Variants in SPRYD4 observed in about 807,000 individuals in gnomAD.
SPRYD4 encodes the protein SPRY domain-containing protein 4.
A neutral mutation model predicts 16.6 loss-of-function variants in SPRYD4; 12 were observed. The ratio of observed to expected loss-of-function variants is 0.72; its 90% CI spans 0.46 to 1.17. The LOEUF is 1.17. SPRYD4 is among the 50% of genes most tolerant of loss of function. The pLI, the probability that SPRYD4 is intolerant of heterozygous loss-of-function variation, is 0.00. For synonymous variants in SPRYD4, 98 were observed against 105.4 expected, an observed-to-expected ratio of 0.93 and a Z score of 0.43; for missense variants, 260 against 260.2, an observed-to-expected ratio of 1.00 and a Z score of 0.00.
In SPRYD4 at chr12:56,475,883, G is replaced by C. The variant is rs1246930031; in HGVS notation, c.*6306G>C. On this transcript the variant is annotated 3_prime_UTR_variant, in exon 2 of 2. Transcript: ENST00000338146. ...GTGGGGTTAGAGAGCCACTGGGGCA[G>C]CTGGAGAGGACAGCATGCCATGGCG... 1 of 1,568,398 alleles carries C rather than the reference G, an allele frequency of 6.4e-7. No homozygotes were observed. The highest frequency in any genetic ancestry group is 1.7e-5 in the Admixed American group (1 of 59,900).
In SPRYD4 at chr12:56,469,502, AGTG is replaced by A. The variant is rs758641654; in HGVS notation, c.553_555del (p.Val185del). On this transcript the variant is annotated inframe_deletion, in exon 2 of 2. Transcript: ENST00000338146. Reference sequence around the variant, plus strand: ...CGCTACAGACAGATTTCCGGGGTCCAGTGGTGCCTGCCTTTGCTCTCTGGGATG... The same window carrying A: ...CGCTACAGACAGATTTCCGGGGTCCAGTGCCTGCCTTTGCTCTCTGGGATG... 7 of 1,614,168 alleles carry A rather than the reference AGTG, an allele frequency of 4.3e-6. No homozygotes were observed.
Position 56,478,986 on chromosome 12 carries a change from GAAAA to G in SPRYD4, c.*9426_*9429del, listed in dbSNP as rs34646954. The G allele has an allele frequency of 5.5e-3, 7,398 of 1,345,584 alleles. No homozygotes were observed. Among genetic ancestry groups the G allele is most frequent in the South Asian group, 0.016 (1,058 of 67,430 alleles). The allele number at this position is 1,345,584 out of a possible 1,614,324, so 83.4% of individuals were successfully genotyped here. A position where few individuals can be genotyped will look rare whatever the true frequency, so the allele number is the denominator to read the frequency against. ...GTGACAGAGCAAAACTCTGTCTCAG[GAAAA>G]AAAAAAAAAAAAAAAATCTGGCCCA... On this transcript the variant is annotated 3_prime_UTR_variant, in exon 2 of 2. Coordinates refer to ENST00000338146, the MANE Select transcript of SPRYD4 (RefSeq NM_207344.4).
Position 56,474,631 on chromosome 12 carries a change from ACT to A in SPRYD4, c.*5058_*5059del, listed in dbSNP as rs765439321. On this transcript the variant is annotated 3_prime_UTR_variant, in exon 2 of 2. Coordinates refer to ENST00000338146, the MANE Select transcript of SPRYD4 (RefSeq NM_207344.4). Reference sequence around the variant, plus strand: ...TGCGCACTGCTTCAGCACTCAGCACACTCTCGCCTGTGATGGGGCAGATCCCA... The same window carrying A: ...TGCGCACTGCTTCAGCACTCAGCACACTCGCCTGTGATGGGGCAGATCCCA... 7 of 1,614,126 alleles carry A rather than the reference ACT, an allele frequency of 4.3e-6. No homozygotes were observed. The highest frequency in any genetic ancestry group is 1.7e-5 in the Admixed American group (1 of 60,024).
Position 56,475,619 on chromosome 12 carries a change from C to CT in SPRYD4, c.*6044dup. 6.2e-7 allele frequency: 1 copy of CT among 1,614,074 alleles called. No individual in the cohort carries two copies. The highest frequency in any genetic ancestry group is 8.5e-7 in the Non-Finnish European group (1 of 1,179,936). ...TTTCAGTCAGTCCTCTGAGTAGGGA[C>CT]TTACGTGGCATTGCTGAAACCCATG... On this transcript the variant is annotated 3_prime_UTR_variant, in exon 2 of 2. Transcript: ENST00000338146.
In SPRYD4 at chr12:56,476,950, G is replaced by A. The variant is rs1477525161; in HGVS notation, c.*7373G>A. On this transcript the variant is annotated 3_prime_UTR_variant, in exon 2 of 2. Coordinates refer to ENST00000338146, the MANE Select transcript of SPRYD4 (RefSeq NM_207344.4). ...TGGGAATGGGATGAGGCAGGTCCCA[G>A]ATACAGGTTTGTAGATGGAGCCATC... 1 of 152,216 alleles carries A rather than the reference G, an allele frequency of 6.6e-6. No homozygotes were observed. The highest frequency in any genetic ancestry group is 1.5e-5 in the Non-Finnish European group (1 of 68,066). 9.4% of individuals were successfully genotyped at this position (152,216 alleles called of 1,614,324 possible).
Position 56,478,185 on chromosome 12 carries a change from T to G in SPRYD4, c.*8608T>G, listed in dbSNP as rs1221502170. On this transcript the variant is annotated 3_prime_UTR_variant, in exon 2 of 2. Transcript: ENST00000338146. ...CTTCCTCTTGCCCAGCATCTCACCGTTGACCATCCACAGTGCACAGGGAGA... is the reference window on the plus strand; with the variant it reads ...CTTCCTCTTGCCCAGCATCTCACCGGTGACCATCCACAGTGCACAGGGAGA... 1.2e-6 allele frequency: 2 copies of G among 1,614,098 alleles called. No homozygotes were observed. Among genetic ancestry groups the G allele is most frequent in the East Asian group, 4.5e-5 (2 of 44,890 alleles).
In SPRYD4 at chr12:56,476,249, A is replaced by G; in HGVS notation, c.*6672A>G. 1 of 397,070 alleles carries G rather than the reference A, an allele frequency of 2.5e-6. No individual in the cohort carries two copies. Among genetic ancestry groups the G allele is most frequent in the East Asian group, 5.2e-5 (1 of 19,232 alleles). The allele number at this position is 397,070 out of a possible 1,614,324, so 24.6% of individuals were successfully genotyped here. A position where few individuals can be genotyped will look rare whatever the true frequency, so the allele number is the denominator to read the frequency against. On this transcript the variant is annotated 3_prime_UTR_variant, in exon 2 of 2. Transcript: ENST00000338146. Reference sequence around the variant, plus strand: ...ACGATCATGGCTCACTGCAGCTTTGACCTCCCAGGCTCAAGCGATCCTCCC... The same window carrying G: ...ACGATCATGGCTCACTGCAGCTTTGGCCTCCCAGGCTCAAGCGATCCTCCC...
At position 56,478,384 on chromosome 12, in the gene SPRYD4, G is replaced by A. The variant is rs1870011010; in HGVS notation, c.*8807G>A. The stretch of plus-strand genomic sequence containing the variant: ...ATTCTGTCTTCTATAGGGCAGAGGG[G>A]TTCCCTCCTGCCTGTTGCTCCCAGA... On this transcript the variant is annotated 3_prime_UTR_variant, in exon 2 of 2. Transcript: ENST00000338146. 1 of 985,138 alleles carries A rather than the reference G, an allele frequency of 1.0e-6. No homozygotes were observed. The highest frequency in any genetic ancestry group is 1.5e-6 in the Non-Finnish European group (1 of 654,884). The allele number at this position is 985,138 out of a possible 1,614,324, so 61.0% of individuals were successfully genotyped here.
At position 56,475,770 on chromosome 12, in the gene SPRYD4, G is replaced by C; in HGVS notation, c.*6193G>C. 3 of 1,479,478 alleles carry C rather than the reference G, an allele frequency of 2.0e-6. No individual in the cohort carries two copies. The highest frequency in any genetic ancestry group is 2.8e-6 in the Non-Finnish European group (3 of 1,064,086). The allele number at this position is 1,479,478 out of a possible 1,614,324, so 91.6% of individuals were successfully genotyped here. On this transcript the variant is annotated 3_prime_UTR_variant, in exon 2 of 2. Transcript: ENST00000338146. ...GGTTGACTAGCCCTTCTGAACTCAG[G>C]TCTTGTCAAGAGGCTTTCCTCTCTG...
chr12:56,474,731 AAAG>A lies in SPRYD4; in HGVS notation c.*5157_*5159del. 6.2e-7 allele frequency: 1 copy of A among 1,608,360 alleles called. No homozygotes were observed. Among genetic ancestry groups the A allele is most frequent in the Non-Finnish European group, 8.5e-7 (1 of 1,176,198 alleles). On this transcript the variant is annotated 3_prime_UTR_variant, in exon 2 of 2. Transcript: ENST00000338146. ...CTCCACAGAACACAGCTATGAAAACAAAGAATAGGTGAAGATGTGACGTGAACC... is the reference window on the plus strand; with the variant it reads ...CTCCACAGAACACAGCTATGAAAACAAATAGGTGAAGATGTGACGTGAACC...
Position 56,472,115 on chromosome 12 carries a change from G to A in SPRYD4, c.*2538G>A, listed in dbSNP as rs1230209053. ...TCCTCCTCCCCTCCTTAACCCTTCA[G>A]TACCTTCAGCTGCAGCAACATGCAG... On this transcript the variant is annotated 3_prime_UTR_variant, in exon 2 of 2. Coordinates refer to ENST00000338146, the MANE Select transcript of SPRYD4 (RefSeq NM_207344.4). 8.7e-6 allele frequency: 14 copies of A among 1,613,930 alleles called. No individual in the cohort carries two copies. Among genetic ancestry groups the A allele is most frequent in the South Asian group, 3.3e-5 (3 of 91,070 alleles).
Position 56,475,778 on chromosome 12 carries a change from A to C in SPRYD4, c.*6201A>C. The C allele has an allele frequency of 1.4e-6, 2 of 1,440,230 alleles. No individual in the cohort carries two copies. Among genetic ancestry groups the C allele is most frequent in the Non-Finnish European group, 1.9e-6 (2 of 1,037,032 alleles). The allele number at this position is 1,440,230 out of a possible 1,614,324, so 89.2% of individuals were successfully genotyped here. A position where few individuals can be genotyped will look rare whatever the true frequency, so the allele number is the denominator to read the frequency against. On this transcript the variant is annotated 3_prime_UTR_variant, in exon 2 of 2. Transcript: ENST00000338146. ...AGCCCTTCTGAACTCAGGTCTTGTCAAGAGGCTTTCCTCTCTGAGGCCAGC... is the reference window on the plus strand; with the variant it reads ...AGCCCTTCTGAACTCAGGTCTTGTCCAGAGGCTTTCCTCTCTGAGGCCAGC...
At position 56,472,108 on chromosome 12, in the gene SPRYD4, C is replaced by G. The variant is rs113650781; in HGVS notation, c.*2531C>G. ...ATTACCCTCCTCCTCCCCTCCTTAACCCTTCAGTACCTTCAGCTGCAGCAA... is the reference window on the plus strand; with the variant it reads ...ATTACCCTCCTCCTCCCCTCCTTAAGCCTTCAGTACCTTCAGCTGCAGCAA... On this transcript the variant is annotated 3_prime_UTR_variant, in exon 2 of 2. Transcript: ENST00000338146. The G allele has an allele frequency of 1.1e-5, 18 of 1,613,672 alleles. No individual in the cohort carries two copies. Among genetic ancestry groups the G allele is most frequent in the African/African-American group, 9.3e-5 (7 of 74,918 alleles).
chr12:56,471,483 G>A lies in SPRYD4; in HGVS notation c.*1906G>A, dbSNP rs1869252306. 6.2e-7 allele frequency: 1 copy of A among 1,611,388 alleles called. No individual in the cohort carries two copies. The highest frequency in any genetic ancestry group is 1.7e-4 in the Middle Eastern group (1 of 6,008). ...CTTGAGCAGGGGCTGTCCATGACCT[G>A]TGCTCATACCATGCTTTCTAAGTTC... is the stretch of plus-strand genomic sequence containing the variant. On this transcript the variant is annotated 3_prime_UTR_variant, in exon 2 of 2. Coordinates refer to ENST00000338146, the MANE Select transcript of SPRYD4 (RefSeq NM_207344.4).
Position 56,476,731 on chromosome 12 carries a change from A to G in SPRYD4, c.*7154A>G, listed in dbSNP as rs563089938. Reference sequence around the variant, plus strand: ...TGCCTTAGCCTCCCGAGCAGCTGGGACCACAGGTGCCCACCACCAAGCCTG... The same window carrying G: ...TGCCTTAGCCTCCCGAGCAGCTGGGGCCACAGGTGCCCACCACCAAGCCTG... On this transcript the variant is annotated 3_prime_UTR_variant, in exon 2 of 2. Transcript: ENST00000338146. 2 of 151,510 alleles carry G rather than the reference A, an allele frequency of 1.3e-5. No individual in the cohort carries two copies. The highest frequency in any genetic ancestry group is 4.2e-4 in the South Asian group (2 of 4,782). 9.4% of individuals were successfully genotyped at this position (151,510 alleles called of 1,614,324 possible).
intron 1 of SPRYD4, 81 bp downstream of exon 1, chr12:56,468,757 C>G (rs1869104758): frequency 1.4e-6 from 2 of 1,450,476 alleles, no homozygotes; most frequent in Non-Finnish European, 1.9e-6. Context: ...AGAAGCAACT[C>G]CAACCCTCTC....
At position 56,476,030 on chromosome 12, in the gene SPRYD4, G is replaced by T. The variant is rs1361980205; in HGVS notation, c.*6453G>T. 16 of 1,569,838 alleles carry T rather than the reference G, an allele frequency of 1.0e-5. No individual in the cohort carries two copies. Among genetic ancestry groups the T allele is most frequent in the Non-Finnish European group, 1.4e-5 (16 of 1,146,788 alleles). On this transcript the variant is annotated 3_prime_UTR_variant, in exon 2 of 2. Transcript: ENST00000338146. Reference sequence around the variant, plus strand: ...TTCTAAGTGTAGGAGGATGACAGAGGGAAGGGTCAGAAGGATCTAGTGGAG... The same window carrying T: ...TTCTAAGTGTAGGAGGATGACAGAGTGAAGGGTCAGAAGGATCTAGTGGAG...
At position 56,473,321 on chromosome 12, in the gene SPRYD4, C is replaced by G; in HGVS notation, c.*3744C>G. 2 of 1,614,110 alleles carry G rather than the reference C, an allele frequency of 1.2e-6. No homozygotes were observed. The highest frequency in any genetic ancestry group is 1.7e-6 in the Non-Finnish European group (2 of 1,179,996). ...GGAAATTGAAGAGAGACACCAACTT[C>G]TAGAATTGTAAGCCAAATATATTGT... On this transcript the variant is annotated 3_prime_UTR_variant, in exon 2 of 2. Coordinates refer to ENST00000338146, the MANE Select transcript of SPRYD4 (RefSeq NM_207344.4).
rs1592277620 is a variant in SPRYD4, at chr12:56,477,636, T to C, written c.*8059T>C. ...ACAGGAGCTTAGAGGATAATACCTA[T>C]CAGAAGGTTAAGGTGGCACTGACCT... On this transcript the variant is annotated 3_prime_UTR_variant, in exon 2 of 2. Transcript: ENST00000338146. 1 of 1,606,520 alleles carries C rather than the reference T, an allele frequency of 6.2e-7. No individual in the cohort carries two copies. The highest frequency in any genetic ancestry group is 2.2e-5 in the East Asian group (1 of 44,766).
Sources: gnomAD v4.1 joint callset for allele counts on GRCh38, gnomAD v4.1.1 for gene constraint, MANE v1.5 for transcripts, NCBI Gene and HGNC (gene_info 2026-07-23, HGNC 2026-07-21) for gene names.